Variants in TRPM2 observed in about 807,000 individuals in gnomAD.
TRPM2 encodes estrogen-responsive element-associated gene 1 protein.
Under a neutral mutation model 174.0 loss-of-function variants are expected in TRPM2, and 161 were observed. The observed-to-expected ratio is 0.93, with a 90% CI of 0.81 to 1.05. The LOEUF (loss-of-function observed/expected upper bound fraction) is 1.05. Among genes scored for constraint, TRPM2 ranks in the 50% least tolerant of loss-of-function variants. The probability of loss-of-function intolerance (pLI) is 0.00; values close to 1 mark genes in which losing one functional copy is unlikely to be tolerated. For synonymous variants in TRPM2, 954 were observed against 861.3 expected, an observed-to-expected ratio of 1.11 and a Z score of -1.88; for missense variants, 2,057 against 2,038.0, an observed-to-expected ratio of 1.01 and a Z score of -0.18.
At chr21:44,407,476 T>TAAC (rs2049946682) in intron 19 of TRPM2, among the ~76,000 whole-genome samples, 1 of 93,180 alleles carries the variant, frequency 1.1e-5, no homozygotes, top group African/African-American at 3.7e-5. Context: ...TTTTTTTTTT[T>TAAC]AACAGCTTCA....
At chr21:44,406,918 C>T (rs1240583941) in intron 19 of TRPM2, among the ~76,000 whole-genome samples, 153 bp downstream of exon 19, 2 of 150,804 alleles carry the variant, frequency 1.3e-5, no homozygotes, top group Admixed American at 6.6e-5. Flanking sequence ...CATTCATTCC[C>T]CAGCTCCTGT....
At chr21:44,361,979 G>A (rs941559698) in intron 2 of TRPM2, among the ~76,000 whole-genome samples, 1 of 152,208 alleles carries the variant, frequency 6.6e-6, no homozygotes, top group African/African-American at 2.4e-5. Flanking sequence ...AAAGTGTTCG[G>A]ATTACAGGCG....
chr21:44,430,024 G>C (rs1249395379), intron 27 of TRPM2, among the ~76,000 whole-genome samples: 1 of 152,164 alleles, frequency 6.6e-6, no homozygotes. Context: ...GATTGAGATA[G>C]TTATAAGATG....
intron 2 of TRPM2, among the ~76,000 whole-genome samples, chr21:44,359,395 G>T (rs1383430460): frequency 6.6e-6 from 1 of 152,026 alleles, no homozygotes; most frequent in Admixed American, 6.6e-5. Context: ...GACCTTAGGG[G>T]TTTGTACGGA....
intron 5 of TRPM2, among the ~76,000 whole-genome samples, chr21:44,373,655 C>G (rs1362289856): frequency 6.6e-6 from 1 of 151,830 alleles, no homozygotes; most frequent in African/African-American, 2.4e-5. Context: ...CTGAGAATTT[C>G]CCACATCATC....
Position 44,432,831 on chromosome 21 carries a change from C to T in TRPM2, c.3975-2300C>T, listed in dbSNP as rs979152913. Among the ~76,000 whole-genome samples the T allele has an allele frequency of 1.3e-5, 2 of 152,174 alleles. No individual in the cohort carries two copies. Among genetic ancestry groups the T allele is most frequent in the Admixed American group, 1.3e-4 (2 of 15,272 alleles). On this transcript the variant is annotated intron_variant, in intron 27 of 31. Transcript: ENST00000397928. The surrounding 1 kb of genome is among the most constrained non-coding windows in gnomAD (Gnocchi z 4.9). ...GGAGCTGAGTGGATGAGTGAATGAACGTGTGATTGCTGTAGCCAGACTGTC... is the reference window on the plus strand; with the variant it reads ...GGAGCTGAGTGGATGAGTGAATGAATGTGTGATTGCTGTAGCCAGACTGTC...
chr21:44,360,196 C>T (rs1428429900), intron 2 of TRPM2, among the ~76,000 whole-genome samples: 1 of 152,152 alleles, frequency 6.6e-6, no homozygotes, highest in Non-Finnish European at 1.5e-5. Flanking sequence ...CAAAAAAAGA[C>T]TTCAACCCAC....
chr21:44,399,147 T>C lies in TRPM2; in HGVS notation c.2063-149T>C, dbSNP rs2049525151. 4.8e-6 allele frequency: 5 copies of C among 1,043,160 alleles called. No homozygotes were observed. In the South Asian group the frequency reaches 7.5e-5, roughly 16 times the overall value. The allele number at this position is 1,043,160 out of a possible 1,614,324, so 64.6% of individuals were successfully genotyped here. A position where few individuals can be genotyped will look rare whatever the true frequency, so the allele number is the denominator to read the frequency against. ...TCCCTGGGGTCCTCGTCCCTGGGCC[T>C]GGGTGTTTTGAGACACCAGCCCCAC... On this transcript the variant is annotated intron_variant, in intron 13 of 31. Coordinates refer to ENST00000397928, the MANE Select transcript of TRPM2 (RefSeq NM_003307.4). The surrounding 1 kb of genome is among the most constrained non-coding windows in gnomAD (Gnocchi z 4.6).
chr21:44,423,397 G>A (rs919593572), intron 22 of TRPM2: 1 of 499,312 alleles, frequency 2.0e-6, no homozygotes, highest in Non-Finnish European at 3.7e-6. Flanking sequence ...TCCTGGGACC[G>A]ACAGGCTGCC....
In TRPM2 at chr21:44,353,636, C is replaced by A. The variant is rs756693037; in HGVS notation, c.-65C>A. 4 of 1,390,990 alleles carry A rather than the reference C, an allele frequency of 2.9e-6. No homozygotes were observed. Among genetic ancestry groups the A allele is most frequent in the Non-Finnish European group, 3.7e-6 (4 of 1,072,472 alleles). 86.2% of individuals were successfully genotyped at this position (1,390,990 alleles called of 1,614,324 possible). A position where few individuals can be genotyped will look rare whatever the true frequency, so the allele number is the denominator to read the frequency against. On this transcript the variant is annotated 5_prime_UTR_variant, in exon 1 of 32. Transcript: ENST00000397928. ...ATGTGTCTCTAGAACCCCAGTGTAG[C>A]GAGCTGGAGAGAGGACTGTCCTGAG...
chr21:44,423,252 C>T (rs2050616552), intron 22 of TRPM2: 1 of 237,538 alleles, frequency 4.2e-6, no homozygotes, highest in African/African-American at 2.2e-5. Context: ...AAGACAAAAA[C>T]CAAATATTCC....
chr21:44,433,541 G>A (rs1363991473), intron 27 of TRPM2, among the ~76,000 whole-genome samples: 3 of 152,228 alleles, frequency 2.0e-5, no homozygotes, highest in African/African-American at 7.2e-5. Flanking sequence ...ACGGGAGTGA[G>A]AGACGGGCTT....
At chr21:44,419,833 GTGGTGATGGTGCTTCTGA>G (rs1308915305) in intron 22 of TRPM2, among the ~76,000 whole-genome samples, 1 of 44,064 alleles carries the variant, frequency 2.3e-5, no homozygotes, top group South Asian at 7.0e-4. Context: ...GGTGGTGATG[GTGGTGATGGTGCTTCTGA>G]TGGTGGTAAT....
In TRPM2 at chr21:44,388,650, CAAAAAAAAAAAA is replaced by C. The variant is rs60322957; in HGVS notation, c.1319-2244_1319-2233del. Among the ~76,000 whole-genome samples, 653 of 83,008 alleles carry C rather than the reference CAAAAAAAAAAAA, an allele frequency of 7.9e-3. 2 individuals are homozygous for C. The highest frequency in any genetic ancestry group is 0.02 in the Middle Eastern group (3 of 152). 54.5% of individuals were successfully genotyped at this position (83,008 alleles called of 152,430 possible). A position where few individuals can be genotyped will look rare whatever the true frequency, so the allele number is the denominator to read the frequency against. On this transcript the variant is annotated intron_variant, in intron 9 of 31. Coordinates refer to ENST00000397928, the MANE Select transcript of TRPM2 (RefSeq NM_003307.4). Reference sequence around the variant, plus strand: ...GGCAACATGGAGAACCCTGTCACTACAAAAAAAAAAAAAAAAAAAAACTAGTCAGGCATGGTA... The same window carrying C: ...GGCAACATGGAGAACCCTGTCACTACAAAAAAAAACTAGTCAGGCATGGTA...
At chr21:44,372,549 C>T (rs1451889186) in intron 5 of TRPM2, among the ~76,000 whole-genome samples, 2 of 152,198 alleles carry the variant, frequency 1.3e-5, no homozygotes, top group African/African-American at 4.8e-5. Flanking sequence ...TCCCAAATGT[C>T]ATCATTTAAG....
At position 44,410,494 on chromosome 21, in the gene TRPM2, G is replaced by A. The variant is rs112116444; in HGVS notation, c.2963-3397G>A. 9.7e-3 allele frequency among the ~76,000 whole-genome samples: 366 copies of A among 37,898 alleles called. 3 individuals are homozygous for A. The highest frequency in any genetic ancestry group is 0.028 in the Middle Eastern group (1 of 36). The allele number at this position is 37,898 out of a possible 152,430, so 24.9% of individuals were successfully genotyped here. A position where few individuals can be genotyped will look rare whatever the true frequency, so the allele number is the denominator to read the frequency against. ...CGTAGCCTTGTAGTAAGTTTTGACC[G>A]CACTGTCTTGGCGTAGACTTGTAGT... On this transcript the variant is annotated intron_variant, in intron 19 of 31. Transcript: ENST00000397928.
intron 26 of TRPM2, 127 bp downstream of exon 26, chr21:44,426,863 GC>G: frequency 1.5e-6 from 2 of 1,342,686 alleles, no homozygotes; most frequent in Non-Finnish European, 2.1e-6. Flanking sequence ...GCCCGTGGGG[GC>G]CTGAAGGGGC....
rs2048700796 is a variant in TRPM2 at position 44,376,423 on chromosome 21, C to G, written c.952+410C>G. ...GGGCCAACCTACATTTTTTTTGGGA[C>G]AGGGTCTGGAGCGCAGTGGTGTGAT... is the stretch of plus-strand genomic sequence containing the variant. On this transcript the variant is annotated intron_variant, in intron 6 of 31. Transcript: ENST00000397928. The surrounding 1 kb of genome is among the most constrained non-coding windows in gnomAD (Gnocchi z 4.2). Among the ~76,000 whole-genome samples, 1 of 152,100 alleles carries G rather than the reference C, an allele frequency of 6.6e-6. No homozygotes were observed. Among genetic ancestry groups the G allele is most frequent in the Admixed American group, 6.5e-5 (1 of 15,280 alleles).
At chr21:44,427,168 CAG>C in intron 27 of TRPM2, 57 bp downstream of exon 27, 1 of 1,403,700 alleles carries the variant, frequency 7.1e-7, no homozygotes, top group Non-Finnish European at 9.7e-7. Context: ...GCCTGGGGGG[CAG>C]GTTTCCTCTC....
Sources: allele counts gnomAD v4.1 joint callset (sites outside exome capture counted in the v4.1 genomes callset), GRCh38; gene constraint gnomAD v4.1.1; non-coding constraint Gnocchi (gnomAD v3.1); transcripts MANE v1.5; gene names NCBI Gene and HGNC (gene_info 2026-07-23, HGNC 2026-07-21).